TMCC2: variants seen among roughly 807,000 people sequenced by gnomAD.
TMCC2 encodes the protein transmembrane and coiled-coil domain family 2.
In TMCC2, 16 loss-of-function variants were observed where a neutral mutation model predicts 49.4. That is an observed-to-expected ratio of 0.32 (90% CI 0.22 to 0.49). The LOEUF is 0.49. TMCC2 is among the 20% of genes least tolerant of loss of function. TMCC2 has a pLI of 0.99. For missense variants in TMCC2, 762 were observed against 989.8 expected (o/e 0.77, Z 3.09); for synonymous variants, 397 against 434.1 (o/e 0.91, Z 1.06).
At chr1:205,240,796 T>C (rs1660234251) in intron 1 of TMCC2, among the ~76,000 whole-genome samples, 1 of 152,196 alleles carries the variant, frequency 6.6e-6, no homozygotes, top group Non-Finnish European at 1.5e-5. Flanking sequence ...GAAGGGCCAG[T>C]GCCTTTATCA....
At chr1:205,233,587 A>T (rs1454483933) in intron 1 of TMCC2, among the ~76,000 whole-genome samples, 1 of 152,164 alleles carries the variant, frequency 6.6e-6, no homozygotes, top group Non-Finnish European at 1.5e-5. Flanking sequence ...CAGAGAGCCC[A>T]CTAGAGAAGG....
chr1:205,243,446 T>G (rs973213502), intron 2 of TMCC2, among the ~76,000 whole-genome samples: 3 of 150,812 alleles, frequency 2.0e-5, no homozygotes, highest in Admixed American at 2.0e-4. Flanking sequence ...AGGACGGGAG[T>G]CAAGGAGACT....
chr1:205,272,264 G>A lies in TMCC2; in HGVS notation c.*140G>A, dbSNP rs908812904. 4 of 1,426,858 alleles carry A rather than the reference G, an allele frequency of 2.8e-6. No individual in the cohort carries two copies. The highest frequency in any genetic ancestry group is 3.7e-6 in the Non-Finnish European group (4 of 1,086,048). 88.4% of individuals were successfully genotyped at this position (1,426,858 alleles called of 1,614,324 possible). A position where few individuals can be genotyped will look rare whatever the true frequency, so the allele number is the denominator to read the frequency against. On this transcript the variant is annotated 3_prime_UTR_variant, in exon 5 of 5. Coordinates refer to ENST00000358024, the MANE Select transcript of TMCC2 (RefSeq NM_014858.4). ...TCCAGCAGCTCCTGCCCCCTTCTCT[G>A]TACTTGCTTCTGTCTGACACCTTCT...
At position 205,241,875 on chromosome 1, in the gene TMCC2, GCAGCC is replaced by G. The variant is rs1170139117; in HGVS notation, c.580_584del (p.His196AlafsTer44). The G allele has an allele frequency of 3.1e-6, 5 of 1,604,516 alleles. No individual in the cohort carries two copies. Among genetic ancestry groups the G allele is most frequent in the Non-Finnish European group, 4.2e-6 (5 of 1,177,252 alleles). On this transcript the variant is annotated frameshift_variant, in exon 2 of 5. Transcript: ENST00000358024. LOFTEE classifies it high-confidence loss of function. This position sits in a 1 kb window ranked among gnomAD's most constrained non-coding sequence, Gnocchi z 7.3. ...AGTAGCTCCCTGGAGCCCCAGCGTGGCAGCCCTCACCTGCTGCGCAAGGCCCCCCA... is the reference window on the plus strand; with the variant it reads ...AGTAGCTCCCTGGAGCCCCAGCGTGGCTCACCTGCTGCGCAAGGCCCCCCA...
At chr1:205,248,609 C>G (rs148828293) in intron 2 of TMCC2, among the ~76,000 whole-genome samples, 11 of 152,308 alleles carry the variant, frequency 7.2e-5, no homozygotes, top group African/African-American at 2.2e-4. Flanking sequence ...CTGGGAGGCA[C>G]AAGCCCCGGG....
At position 205,272,284 on chromosome 1, in the gene TMCC2, C is replaced by T. The variant is rs1558661857; in HGVS notation, c.*160C>T. On this transcript the variant is annotated 3_prime_UTR_variant, in exon 5 of 5. Transcript: ENST00000358024. ...TCTCTGTACTTGCTTCTGTCTGACA[C>T]CTTCTCCCTGTTGGCCTGAAGGGAG... is the stretch of plus-strand genomic sequence containing the variant. The T allele has an allele frequency of 1.5e-6, 2 of 1,376,216 alleles. No homozygotes were observed. Among genetic ancestry groups the T allele is most frequent in the East Asian group, 2.5e-5 (1 of 39,636 alleles). 85.3% of individuals were successfully genotyped at this position (1,376,216 alleles called of 1,614,324 possible).
chr1:205,251,873 G>C (rs777773512), intron 2 of TMCC2, among the ~76,000 whole-genome samples: 26 of 152,324 alleles, frequency 1.7e-4, no homozygotes, highest in Admixed American at 7.8e-4. Context: ...GGTATGCTCT[G>C]AGCCCTTGAG....
At chr1:205,231,884 C>T (rs2102518235) in intron 1 of TMCC2, among the ~76,000 whole-genome samples, 1 of 152,222 alleles carries the variant, frequency 6.6e-6, no homozygotes, top group Middle Eastern at 3.4e-3. Flanking sequence ...CATGACAGCT[C>T]CAGGCACTGT....
At chr1:205,263,426 C>T (rs1661197256) in intron 2 of TMCC2, among the ~76,000 whole-genome samples, 1 of 152,182 alleles carries the variant, frequency 6.6e-6, no homozygotes, top group Non-Finnish European at 1.5e-5. Flanking sequence ...CAGCTTGGCT[C>T]AGGCCTGTAA....
chr1:205,271,944 C>T lies in TMCC2; in HGVS notation c.1950C>T (p.Ile650=), dbSNP rs371544078. The change falls in exon 5 of 5, where the codon ATC becomes ATT. Residue 650 remains isoleucine, a synonymous_variant. Coordinates refer to ENST00000358024, the MANE Select transcript of TMCC2 (RefSeq NM_014858.4). ...TGCTGGGCAAGTTCATCAACGTGAT[C>T]CTGGCGCTCATGGCCGTGCTGCTGG... ...RALLGKFINV[I]LALMAVLLVF... 2 of 1,614,216 alleles carry T rather than the reference C, an allele frequency of 1.2e-6. No homozygotes were observed. Among genetic ancestry groups the T allele is most frequent in the African/African-American group, 1.3e-5 (1 of 75,050 alleles).
At chr1:205,268,132 G>T in intron 2 of TMCC2, 1 of 959,000 alleles carries the variant, frequency 1.0e-6, no homozygotes, top group South Asian at 4.8e-5. Context: ...GTGAACATGG[G>T]GTGGCGAGGG....
intron 2 of TMCC2, among the ~76,000 whole-genome samples, chr1:205,242,690 G>T (rs751638176): frequency 2.0e-5 from 3 of 152,128 alleles, no homozygotes; most frequent in Non-Finnish European, 4.4e-5. Context: ...CTGTCCTTGT[G>T]GAGCTCACTC....
rs1200730888 is a variant in TMCC2, at chr1:205,242,048, A to G, written c.747+4A>G. 1 of 1,568,122 alleles carries G rather than the reference A, an allele frequency of 6.4e-7. No homozygotes were observed. Among genetic ancestry groups the G allele is most frequent in the Admixed American group, 1.8e-5 (1 of 55,824 alleles). ...GGCCGAAGGCATCGGGGACAAGGTG[A>G]GATGGGCCTTCTGGGGCAGGGGGAG... On this transcript the variant is annotated splice_donor_region_variant and intron_variant, in intron 2 of 4. Transcript: ENST00000358024.
chr1:205,234,286 A>C (rs1659935178), intron 1 of TMCC2: 1 of 152,128 alleles, frequency 6.6e-6, no homozygotes, highest in Non-Finnish European at 1.5e-5. Context: ...TCTACCAAAA[A>C]TACAGAAAAA....
chr1:205,240,058 C>T (rs181882844), intron 1 of TMCC2, among the ~76,000 whole-genome samples: 57 of 152,214 alleles, frequency 3.7e-4, no homozygotes, highest in Admixed American at 3.1e-3. Context: ...GTGGGTTGTT[C>T]CTCACAGGAA....
At chr1:205,256,064 C>A in intron 2 of TMCC2, 1 of 544,690 alleles carries the variant, frequency 1.8e-6, no homozygotes, top group Non-Finnish European at 3.0e-6. Flanking sequence ...GTGATTTTGG[C>A]CTGCAAGCCC....
At position 205,241,170 on chromosome 1, in the gene TMCC2, T is replaced by A. The variant is rs1013550191; in HGVS notation, c.208-335T>A. 6.6e-6 allele frequency among the ~76,000 whole-genome samples: 1 copy of A among 152,072 alleles called. No individual in the cohort carries two copies. Among genetic ancestry groups the A allele is most frequent in the Non-Finnish European group, 1.5e-5 (1 of 68,000 alleles). On this transcript the variant is annotated intron_variant, in intron 1 of 4. Coordinates refer to ENST00000358024, the MANE Select transcript of TMCC2 (RefSeq NM_014858.4). This position sits in a 1 kb window ranked among gnomAD's most constrained non-coding sequence, Gnocchi z 7.3. ...ATCAATCTAGAGGGATACAACCCCA[T>A]GAGCCAAGTGCTACCTGTGTATGCC... is the stretch of plus-strand genomic sequence containing the variant.
intron 2 of TMCC2, 87 bp from the exon 3 acceptor site, chr1:205,268,863 A>C: frequency 7.6e-7 from 1 of 1,318,136 alleles, no homozygotes; most frequent in South Asian, 1.3e-5. Flanking sequence ...CATTTTCTAG[A>C]TAGAAAAACC....
chr1:205,249,634 C>G (rs1660589426), intron 2 of TMCC2, among the ~76,000 whole-genome samples: 1 of 152,260 alleles, frequency 6.6e-6, no homozygotes, highest in Admixed American at 6.5e-5. Context: ...AGCACACCAC[C>G]ACGCAGGTAC....
Sources: allele counts gnomAD v4.1 joint callset (sites outside exome capture counted in the v4.1 genomes callset), GRCh38; gene constraint gnomAD v4.1.1; non-coding constraint Gnocchi (gnomAD v3.1); transcripts MANE v1.5; gene names NCBI Gene and HGNC (gene_info 2026-07-23, HGNC 2026-07-21).